Variants in IPO11 observed in about 807,000 individuals in gnomAD.
The protein encoded by IPO11 is importin-11.
In IPO11, 66 loss-of-function variants were observed where a neutral mutation model predicts 143.2. That is an observed-to-expected ratio of 0.46 (90% confidence interval 0.38 to 0.57). IPO11 has a LOEUF of 0.57. Among genes scored for constraint, IPO11 ranks in the 20% least tolerant of loss-of-function variants. The pLI is 0.00. For missense variants in IPO11, 1,026 were observed against 1,141.0 expected, an observed-to-expected ratio of 0.90 and a Z score of 1.45; for synonymous variants, 385 against 377.8, an observed-to-expected ratio of 1.02 and a Z score of -0.22.
At chr5:62,573,927 G>A (rs1469493937) in intron 27 of IPO11, among the ~76,000 whole-genome samples, 2 of 152,088 alleles carry the variant, frequency 1.3e-5, no homozygotes, top group Non-Finnish European at 2.9e-5. Context: ...ATCCTTATTT[G>A]GTAATAAACT....
chr5:62,475,923 G>A (rs1580222681), intron 8 of IPO11, among the ~76,000 whole-genome samples: 1 of 152,202 alleles, frequency 6.6e-6, no homozygotes, highest in Non-Finnish European at 1.5e-5. Context: ...GTGTGTTTGT[G>A]TGTTTGGGGA....
At chr5:62,445,459 A>G (rs984647016) in intron 3 of IPO11, among the ~76,000 whole-genome samples, 5 of 152,092 alleles carry the variant, frequency 3.3e-5, no homozygotes. Flanking sequence ...TTTAATATGT[A>G]TACAATCCCT....
intron 9 of IPO11, among the ~76,000 whole-genome samples, chr5:62,479,554 A>C (rs1179521317): frequency 6.6e-6 from 1 of 152,180 alleles, no homozygotes; most frequent in East Asian, 1.9e-4. Context: ...AGTCCCACCA[A>C]CAGTGTAAAA....
chr5:62,545,587 A>G (rs1006651004), intron 24 of IPO11, among the ~76,000 whole-genome samples: 2 of 152,240 alleles, frequency 1.3e-5, no homozygotes, highest in Non-Finnish European at 2.9e-5. Flanking sequence ...ACAAAAGCCA[A>G]CCTTGACAAA....
intron 29 of IPO11, among the ~76,000 whole-genome samples, chr5:62,612,253 G>A (rs1184744711): frequency 1.3e-5 from 2 of 152,124 alleles, no homozygotes; most frequent in African/African-American, 4.8e-5. Flanking sequence ...TCATTCAAAG[G>A]TAAAGATTTA....
chr5:62,545,584 C>G (rs1242744142), intron 24 of IPO11, among the ~76,000 whole-genome samples: 66 of 152,162 alleles, frequency 4.3e-4, no homozygotes, highest in Non-Finnish European at 2.6e-4. Flanking sequence ...GCAACAAAAG[C>G]CAACCTTGAC....
chr5:62,513,980 C>T (rs1741900178), intron 19 of IPO11, among the ~76,000 whole-genome samples: 1 of 150,842 alleles, frequency 6.6e-6, no homozygotes, highest in African/African-American at 2.5e-5. Context: ...GCGCTCCCCA[C>T]ATCTCAGACG....
chr5:62,617,202 G>A (rs959670705), intron 29 of IPO11, among the ~76,000 whole-genome samples: 1 of 152,164 alleles, frequency 6.6e-6, no homozygotes, highest in African/African-American at 2.4e-5. Flanking sequence ...CTCAGTCCCT[G>A]TAATAAAAAT....
Position 62,451,753 on chromosome 5 carries a change from C to A in IPO11, c.336C>A (p.Leu112=). Residue 112 remains leucine, a synonymous_variant, in exon 5 of 30, where the codon CTC becomes CTA. Coordinates refer to ENST00000325324, the MANE Select transcript of IPO11 (RefSeq NM_016338.5). ...INQIATQIAV[L]IAKVARLDCP... Reference sequence around the variant, plus strand: ...AGATTGCAACTCAGATTGCAGTGCTCATTGCAAAAGTTGCTAGATTGGATT... The same window carrying A: ...AGATTGCAACTCAGATTGCAGTGCTAATTGCAAAAGTTGCTAGATTGGATT... 6.2e-7 allele frequency: 1 copy of A among 1,614,058 alleles called. No homozygotes were observed. The highest frequency in any genetic ancestry group is 8.5e-7 in the Non-Finnish European group (1 of 1,179,976).
At position 62,556,851 on chromosome 5, in the gene IPO11, C is replaced by T. The variant is rs190993491; in HGVS notation, c.2461-4285C>T. ...TCCTCTTTTATTTTTCCTTTCCTTG[C>T]TCTCCTAGTCTTGGATACTCCTTCC... On this transcript the variant is annotated intron_variant, in intron 26 of 29. Transcript: ENST00000325324. Among the ~76,000 whole-genome samples, 300 of 152,076 alleles carry T rather than the reference C, an allele frequency of 2.0e-3. 1 individual carries two copies. Among genetic ancestry groups the T allele is most frequent in the African/African-American group, 6.6e-3 (274 of 41,478 alleles).
chr5:62,595,398 T>C (rs1745179074), intron 28 of IPO11, among the ~76,000 whole-genome samples: 1 of 152,222 alleles, frequency 6.6e-6, no homozygotes, highest in Admixed American at 6.5e-5. Context: ...GACATACACA[T>C]GCATATATAA....
At chr5:62,426,926 T>G (rs1404985386) in intron 1 of IPO11, among the ~76,000 whole-genome samples, 1 of 140,006 alleles carries the variant, frequency 7.1e-6, no homozygotes, top group African/African-American at 2.6e-5. Flanking sequence ...TTCTTTTTTC[T>G]TTCTGTTTTT....
chr5:62,510,960 T>A (rs1406200484), intron 19 of IPO11, among the ~76,000 whole-genome samples: 1 of 152,174 alleles, frequency 6.6e-6, no homozygotes, highest in African/African-American at 2.4e-5. Context: ...TTTGAACTCC[T>A]GACCTTCAAG....
chr5:62,580,758 T>C, intron 27 of IPO11: 1 of 1,551,482 alleles, frequency 6.4e-7, no homozygotes, highest in South Asian at 1.2e-5. Context: ...TAACCACAAA[T>C]GGCAGTCCTC....
At chr5:62,492,616 C>T (rs1020326506) in intron 15 of IPO11, among the ~76,000 whole-genome samples, 3 of 152,000 alleles carry the variant, frequency 2.0e-5, no homozygotes, top group Non-Finnish European at 4.4e-5. Context: ...TGATGTTGGC[C>T]CACTGCAATC....
intron 27 of IPO11, among the ~76,000 whole-genome samples, chr5:62,567,446 A>T (rs1455039677): frequency 7.4e-6 from 1 of 134,332 alleles, no homozygotes; most frequent in African/African-American, 2.8e-5. Context: ...GAATATTTAT[A>T]TCTTTCTCTG....
chr5:62,507,656 A>G (rs958304009), intron 19 of IPO11, among the ~76,000 whole-genome samples: 4 of 152,196 alleles, frequency 2.6e-5, no homozygotes, highest in Admixed American at 6.5e-5. Flanking sequence ...TAAAAACAAG[A>G]TTTGGCTATT....
intron 16 of IPO11, among the ~76,000 whole-genome samples, chr5:62,499,124 TC>T (rs1741254607): frequency 6.6e-6 from 1 of 152,202 alleles, no homozygotes; most frequent in Non-Finnish European, 1.5e-5. Flanking sequence ...ATGTGCTGTT[TC>T]ATGACGGGTA....
At chr5:62,522,771 A>G (rs1178486376) in intron 20 of IPO11, among the ~76,000 whole-genome samples, 1 of 151,934 alleles carries the variant, frequency 6.6e-6, no homozygotes, top group African/African-American at 2.4e-5. Flanking sequence ...CTGTCTTGAA[A>G]CCATCTGTTT....
Sources: allele counts gnomAD v4.1 joint callset (sites outside exome capture counted in the v4.1 genomes callset), GRCh38; gene constraint gnomAD v4.1.1; transcripts MANE v1.5; gene names NCBI Gene and HGNC (gene_info 2026-07-23, HGNC 2026-07-21).